Variants in NALCN observed in about 807,000 individuals in gnomAD.
The protein encoded by NALCN is sodium leak channel, non-selective.
Under a neutral mutation model 225.3 loss-of-function variants are expected in NALCN, and 111 were observed. The observed-to-expected ratio is 0.49, with a 90% CI of 0.42 to 0.58. The LOEUF is 0.58. Ranked by LOEUF, NALCN falls within the 20% of genes least tolerant of loss-of-function variation. The probability of loss-of-function intolerance (pLI) is 0.00; values close to 1 mark genes in which losing one functional copy is unlikely to be tolerated. For synonymous variants in NALCN, 764 were observed against 769.0 expected, an observed-to-expected ratio of 0.99 and a Z score of 0.11; for missense variants, 1,378 against 2,202.4, an observed-to-expected ratio of 0.63 and a Z score of 7.49.
intron 10 of NALCN, among the ~76,000 whole-genome samples, chr13:101,270,501 A>G (rs182430370): frequency 2.6e-5 from 4 of 152,348 alleles, no homozygotes; most frequent in Admixed American, 2.6e-4. Flanking sequence ...AATACACTGC[A>G]TTTCTAATGC....
At chr13:101,306,890 T>C (rs2044170391) in intron 7 of NALCN, among the ~76,000 whole-genome samples, 2 of 152,180 alleles carry the variant, frequency 1.3e-5, no homozygotes, top group African/African-American at 2.4e-5. Context: ...GTTCAGGTGC[T>C]ATTATCAGGT....
chr13:101,371,198 A>G (rs1244905174), intron 6 of NALCN, among the ~76,000 whole-genome samples: 1 of 152,204 alleles, frequency 6.6e-6, no homozygotes, highest in African/African-American at 2.4e-5. Flanking sequence ...CTATGAATAA[A>G]GTTGCTGTGG....
chr13:101,252,910 T>A (rs895307809), intron 11 of NALCN, among the ~76,000 whole-genome samples: 1 of 152,182 alleles, frequency 6.6e-6, no homozygotes, highest in African/African-American at 2.4e-5. Context: ...AAGATAAAGC[T>A]TTTAATCTCC....
At chr13:101,403,086 T>C (rs1158138489) in intron 1 of NALCN, among the ~76,000 whole-genome samples, 1 of 152,190 alleles carries the variant, frequency 6.6e-6, no homozygotes, top group Non-Finnish European at 1.5e-5. Flanking sequence ...CCAAACACAC[T>C]GTAGGTCTCC....
At chr13:101,256,657 C>T (rs2042238565) in intron 11 of NALCN, among the ~76,000 whole-genome samples, 1 of 152,074 alleles carries the variant, frequency 6.6e-6, no homozygotes, top group South Asian at 2.1e-4. Flanking sequence ...ACCTTGCTTC[C>T]TACTTCCTGG....
intron 2 of NALCN, among the ~76,000 whole-genome samples, chr13:101,398,795 G>A (rs928124406): frequency 6.6e-6 from 1 of 152,046 alleles, no homozygotes; most frequent in Non-Finnish European, 1.5e-5. Flanking sequence ...CACAGCGTGG[G>A]GAGGGGAGGG....
At chr13:101,365,351 T>C (rs1427648841) in intron 6 of NALCN, among the ~76,000 whole-genome samples, 2 of 152,168 alleles carry the variant, frequency 1.3e-5, no homozygotes, top group Admixed American at 1.3e-4. Flanking sequence ...TCCAGCTTCA[T>C]TCATGTTGCT....
intron 13 of NALCN, among the ~76,000 whole-genome samples, chr13:101,221,329 G>C (rs1361284496): frequency 6.6e-6 from 1 of 152,086 alleles, no homozygotes; most frequent in Non-Finnish European, 1.5e-5. Context: ...ATGTTGGCCA[G>C]GATGGTCTCC....
chr13:101,101,784 C>T (rs2034836177), intron 26 of NALCN, among the ~76,000 whole-genome samples: 1 of 152,022 alleles, frequency 6.6e-6, no homozygotes, highest in African/African-American at 2.4e-5. Context: ...TGGCAGAGGG[C>T]AAAATATGGA....
At chr13:101,189,493 AC>A (rs1441270760) in intron 14 of NALCN, among the ~76,000 whole-genome samples, 1 of 152,224 alleles carries the variant, frequency 6.6e-6, no homozygotes, top group Admixed American at 6.5e-5. Context: ...ATACATGACA[AC>A]CTTGGAAACT....
chr13:101,233,499 C>A (rs958554955), intron 12 of NALCN, among the ~76,000 whole-genome samples: 1 of 152,124 alleles, frequency 6.6e-6, no homozygotes, highest in Non-Finnish European at 1.5e-5. Context: ...CACCACCACG[C>A]CTGGCTAATT....
At chr13:101,366,130 A>G (rs1032964357) in intron 6 of NALCN, among the ~76,000 whole-genome samples, 1 of 152,144 alleles carries the variant, frequency 6.6e-6, no homozygotes, top group Admixed American at 6.6e-5. Context: ...GCTACAAGCC[A>G]TTGCTCTCCT....
intron 20 of NALCN, among the ~76,000 whole-genome samples, chr13:101,109,870 A>G (rs2035338381): frequency 1.3e-5 from 2 of 152,130 alleles, no homozygotes; most frequent in African/African-American, 2.4e-5. Context: ...CCCACCTTTG[A>G]TTTATTTACA....
At chr13:101,392,985 A>T (rs928993325) in intron 3 of NALCN, among the ~76,000 whole-genome samples, 1 of 152,256 alleles carries the variant, frequency 6.6e-6, no homozygotes, top group African/African-American at 2.4e-5. Flanking sequence ...GAAACCTACA[A>T]AACTCTCCTG....
At chr13:101,151,080 T>C (rs1238457454) in intron 15 of NALCN, among the ~76,000 whole-genome samples, 1 of 152,128 alleles carries the variant, frequency 6.6e-6, no homozygotes, top group East Asian at 1.9e-4. Flanking sequence ...AGAAACAAAC[T>C]TCAAACCTTG....
At chr13:101,372,848 A>T (rs1030472027) in intron 6 of NALCN, among the ~76,000 whole-genome samples, 2 of 152,102 alleles carry the variant, frequency 1.3e-5, no homozygotes, top group Non-Finnish European at 2.9e-5. Flanking sequence ...AAAAATCAAC[A>T]TGAAAAACAG....
intron 14 of NALCN, chr13:101,181,073 G>A (rs767402380): frequency 1.9e-6 from 1 of 518,818 alleles, no homozygotes; most frequent in Non-Finnish European, 3.8e-6. Flanking sequence ...CATGGGCCAG[G>A]GGGGCACTTT....
At chr13:101,250,557 T>C (rs1457714374) in intron 11 of NALCN, among the ~76,000 whole-genome samples, 2 of 151,804 alleles carry the variant, frequency 1.3e-5, no homozygotes, top group Non-Finnish European at 2.9e-5. Flanking sequence ...CAATTGTTTA[T>C]ATATGGGGAA....
intron 13 of NALCN, among the ~76,000 whole-genome samples, chr13:101,208,998 A>C (rs1242785417): frequency 6.6e-6 from 1 of 152,164 alleles, no homozygotes; most frequent in African/African-American, 2.4e-5. Flanking sequence ...GCGAACCCTA[A>C]GTCATACACT....
Sources: gnomAD v4.1 joint callset for allele counts (sites outside exome capture counted in the v4.1 genomes callset) on GRCh38, gnomAD v4.1.1 for gene constraint, MANE v1.5 for transcripts, NCBI Gene and HGNC (gene_info 2026-07-23, HGNC 2026-07-21) for gene names.